The following CNST variants were observed in gnomAD, a reference collection of about 807,000 sequenced individuals.
The protein encoded by CNST is consortin, connexin sorting protein, also known as consortin.
CNST carries 39 observed loss-of-function variants against 72.4 expected under a neutral mutation model. That is an observed-to-expected ratio of 0.54 (90% CI 0.42 to 0.70). The LOEUF (loss-of-function observed/expected upper bound fraction) is 0.70, where lower values mean the gene tolerates loss of function less well. Among genes scored for constraint, CNST ranks in the 30% least tolerant of loss-of-function variants. The pLI is 0.00. For missense variants in CNST, 871 were observed against 868.5 expected, an observed-to-expected ratio of 1.00 and a Z score of -0.04; for synonymous variants, 332 against 320.1, an observed-to-expected ratio of 1.04 and a Z score of -0.40.
At chr1:246,648,058 A>C in intron 9 of CNST, 21 bp downstream of exon 9, 1 of 1,570,346 alleles carries the variant, frequency 6.4e-7, no homozygotes, top group Non-Finnish European at 8.6e-7. Context: ...GATGAAGTAC[A>C]ATTAAAAGTA....
At chr1:246,612,577 A>T (rs560977564) in intron 2 of CNST, among the ~76,000 whole-genome samples, 2 of 152,120 alleles carry the variant, frequency 1.3e-5, no homozygotes, top group South Asian at 2.1e-4. Context: ...ATGTTTTTTT[A>T]AAAAAATAGC....
chr1:246,647,509 A>G lies in CNST; in HGVS notation c.1308A>G (p.Ser436=), dbSNP rs773655031. ...AGTCAAAGACAGAGCCGTTGATTTCACCAGGCTGTGACCGTATACCTCCTG... is the reference window on the plus strand; with the variant it reads ...AGTCAAAGACAGAGCCGTTGATTTCGCCAGGCTGTGACCGTATACCTCCTG... ...SSKSKTEPLI[S]PGCDRIPPAL... is the part of the protein sequence containing the mutation. Residue 436 remains serine (S), a synonymous_variant, in exon 9 of 11, where the codon TCA becomes TCG. Transcript: ENST00000366513. 6.2e-7 allele frequency: 1 copy of G among 1,614,188 alleles called. No individual in the cohort carries two copies. Among genetic ancestry groups the G allele is most frequent in the Non-Finnish European group, 8.5e-7 (1 of 1,180,050 alleles).
At chr1:246,612,842 A>G (rs1340225196) in intron 2 of CNST, among the ~76,000 whole-genome samples, 1 of 152,080 alleles carries the variant, frequency 6.6e-6, no homozygotes, top group African/African-American at 2.4e-5. Flanking sequence ...CCATGATTGT[A>G]CCACTGCACT....
intron 2 of CNST, among the ~76,000 whole-genome samples, chr1:246,592,147 A>G (rs1661587255): frequency 2.6e-5 from 4 of 152,062 alleles, no homozygotes; most frequent in South Asian, 2.1e-4. Flanking sequence ...GTGTAACACA[A>G]TTTATTTAAT....
chr1:246,636,796 G>C (rs1032947937), intron 6 of CNST, among the ~76,000 whole-genome samples: 2 of 152,118 alleles, frequency 1.3e-5, no homozygotes, highest in Admixed American at 6.5e-5. Flanking sequence ...CTCGACTAAG[G>C]TTCCACAATA....
At position 246,665,898 on chromosome 1, in the gene CNST, T is replaced by C; in HGVS notation, c.2171T>C (p.Leu724Pro). Residue 724 changes from leucine to proline, a missense_variant, in exon 11 of 11, where the codon CTC becomes CCC. By Grantham distance (98) the Leu-to-Pro change is moderately conservative. Transcript: ENST00000366513. The part of the protein sequence containing the change: ...GVAELKHWIY[L>P]S The stretch of plus-strand genomic sequence containing the variant: ...GCAGAACTGAAGCACTGGATCTACC[T>C]CTCCTAGCAGCATTCCAGACACAGA... 1 of 1,608,062 alleles carries C rather than the reference T, an allele frequency of 6.2e-7. No individual in the cohort carries two copies. The highest frequency in any genetic ancestry group is 8.5e-7 in the Non-Finnish European group (1 of 1,174,946).
At chr1:246,614,658 G>A (rs553725270) in intron 2 of CNST, among the ~76,000 whole-genome samples, 4 of 152,158 alleles carry the variant, frequency 2.6e-5, no homozygotes, top group South Asian at 2.1e-4. Context: ...TTTTAGTTGG[G>A]ACGGGGTTTC....
At chr1:246,663,115 C>T (rs561508393) in intron 10 of CNST, among the ~76,000 whole-genome samples, 1 of 151,962 alleles carries the variant, frequency 6.6e-6, no homozygotes, top group African/African-American at 2.4e-5. Flanking sequence ...AGCCTCCTCC[C>T]AAGTCTTCCT....
At chr1:246,636,182 G>A (rs1426693293) in intron 6 of CNST, among the ~76,000 whole-genome samples, 1 of 152,134 alleles carries the variant, frequency 6.6e-6, no homozygotes, top group Admixed American at 6.5e-5. Context: ...GCTCCAGGGG[G>A]TAACCTTGGC....
chr1:246,625,394 A>G (rs977062495), intron 3 of CNST, among the ~76,000 whole-genome samples: 2 of 141,378 alleles, frequency 1.4e-5, no homozygotes, highest in African/African-American at 5.2e-5. Flanking sequence ...CATAATCAGG[A>G]TTTGTCTAAT....
chr1:246,570,032 G>C (rs1197032903), intron 1 of CNST: 2 of 420,676 alleles, frequency 4.8e-6, no homozygotes, highest in Non-Finnish European at 6.4e-6. Context: ...TTATATCATG[G>C]TGTTTCTTAC....
At chr1:246,632,401 G>C (rs1215446651) in intron 4 of CNST, 1 of 210,992 alleles carries the variant, frequency 4.7e-6, no homozygotes, top group Non-Finnish European at 9.8e-6. Context: ...AGACAGCCCA[G>C]TCTTGCCTTC....
intron 3 of CNST, among the ~76,000 whole-genome samples, chr1:246,625,414 C>CTTTTTTT (rs61588900): frequency 1.1e-4 from 6 of 56,098 alleles, no homozygotes; most frequent in Non-Finnish European, 1.5e-4. Context: ...TTATTTCTTT[C>CTTTTTTT]TTTTTTTTTT....
At chr1:246,644,931 G>A (rs1665948048) in intron 8 of CNST, among the ~76,000 whole-genome samples, 1 of 152,190 alleles carries the variant, frequency 6.6e-6, no homozygotes. Context: ...CAAGCCCAGT[G>A]TCAAAGCAGG....
intron 2 of CNST, among the ~76,000 whole-genome samples, chr1:246,597,446 A>G (rs1220607123): frequency 6.6e-6 from 1 of 152,224 alleles, no homozygotes; most frequent in Admixed American, 6.5e-5. Flanking sequence ...TGTATGAGAC[A>G]AGTTTAGATG....
chr1:246,574,910 T>C (rs1250474806), intron 1 of CNST, among the ~76,000 whole-genome samples: 4 of 152,006 alleles, frequency 2.6e-5, no homozygotes, highest in Non-Finnish European at 5.9e-5. Context: ...AATAATTTAA[T>C]AGATTATGAA....
intron 1 of CNST, among the ~76,000 whole-genome samples, chr1:246,578,602 C>T (rs537489035): frequency 1.3e-5 from 2 of 151,776 alleles, no homozygotes; most frequent in East Asian, 1.9e-4. Flanking sequence ...ACCCGGGAGG[C>T]GGAGGTTGCA....
At chr1:246,664,728 AAC>A (rs1401267635) in intron 10 of CNST, among the ~76,000 whole-genome samples, 1 of 152,200 alleles carries the variant, frequency 6.6e-6, no homozygotes, top group Non-Finnish European at 1.5e-5. Flanking sequence ...ACCCAGCCTT[AAC>A]ACTGTCTTTT....
At chr1:246,645,695 G>A (rs574788496) in intron 8 of CNST, among the ~76,000 whole-genome samples, 77 of 152,012 alleles carry the variant, frequency 5.1e-4, no homozygotes, top group African/African-American at 1.8e-3. Context: ...CCAAAGTGCT[G>A]GGATGACAGG....
Sources: gnomAD v4.1 joint callset for allele counts (sites outside exome capture counted in the v4.1 genomes callset) on GRCh38, gnomAD v4.1.1 for gene constraint, MANE v1.5 for transcripts, NCBI Gene and HGNC (gene_info 2026-07-23, HGNC 2026-07-21) for gene names.